The following SLCO1B1 variants were observed in gnomAD, a reference collection of about 807,000 sequenced individuals.
The protein encoded by SLCO1B1 is OATP-2.
In SLCO1B1, 81 loss-of-function variants were observed where a neutral mutation model predicts 70.1. That is an observed-to-expected ratio of 1.16 (90% CI 0.97 to 1.39). The LOEUF is 1.39. Ranked by LOEUF, SLCO1B1 falls within the 40% of genes most tolerant of loss-of-function variation. SLCO1B1 has a pLI of 0.00. For synonymous variants in SLCO1B1, 283 were observed against 271.5 expected (o/e 1.04, Z -0.42); for missense variants, 895 against 799.6 (o/e 1.12, Z -1.44).
chr12:21,150,237 C>CCTGGGAGAAGGGGCAG (rs568465475), intron 2 of SLCO1B1, among the ~76,000 whole-genome samples: 2,192 of 152,196 alleles, frequency 0.014, 50 homozygotes, highest in African/African-American at 0.05. Context: ...GGACAGAGCA[C>CCTGGGAGAAGGGGCAG]CTGGGAGAAG....
intron 1 of SLCO1B1, among the ~76,000 whole-genome samples, chr12:21,133,717 T>G (rs146041677): frequency 6.6e-6 from 1 of 152,318 alleles, no homozygotes; most frequent in African/African-American, 2.4e-5. Flanking sequence ...GCTTATCAAC[T>G]TGAGGAAATT....
At position 21,200,691 on chromosome 12, in the gene SLCO1B1, T is replaced by C; in HGVS notation, c.1135+19T>C. On this transcript the variant is annotated intron_variant, in intron 9 of 14. Coordinates refer to ENST00000256958, the MANE Select transcript of SLCO1B1 (RefSeq NM_006446.5). ...TTATTGGGTAAGACATATTTTTTAC[T>C]TGTGTGCTTAATAAGTGAAATAATA... The C allele has an allele frequency of 1.9e-6, 3 of 1,605,048 alleles. No homozygotes were observed. The highest frequency in any genetic ancestry group is 2.2e-5 in the East Asian group (1 of 44,610).
chr12:21,173,010 A>G (rs1940775034), intron 3 of SLCO1B1, among the ~76,000 whole-genome samples: 1 of 152,176 alleles, frequency 6.6e-6, no homozygotes, highest in Admixed American at 6.5e-5. Context: ...AATATTCTAT[A>G]ATGCACAAAG....
At chr12:21,170,701 T>A (rs1158490863) in intron 2 of SLCO1B1, among the ~76,000 whole-genome samples, 1 of 152,228 alleles carries the variant, frequency 6.6e-6, no homozygotes, top group Non-Finnish European at 1.5e-5. Context: ...ATGCTGTTTC[T>A]TAGATAACTT....
intron 5 of SLCO1B1, among the ~76,000 whole-genome samples, chr12:21,177,414 A>C: frequency 6.6e-6 from 1 of 152,272 alleles, no homozygotes; most frequent in South Asian, 2.1e-4. Context: ...CAAAAGGCAA[A>C]CTATTATATC....
At position 21,155,481 on chromosome 12, in the gene SLCO1B1, T is replaced by TA. The variant is rs574803659; in HGVS notation, c.84+13827dup. Among the ~76,000 whole-genome samples the TA allele has an allele frequency of 1.8e-3, 273 of 152,318 alleles. 1 individual carries two copies. Among genetic ancestry groups the TA allele is most frequent in the Non-Finnish European group, 3.1e-3 (212 of 68,018 alleles). Reference sequence around the variant, plus strand: ...GCTTAAACTCCTGTTAAGTGTTTTGTAAAACAATTACTCCTTATGGTGTCT... The same window carrying TA: ...GCTTAAACTCCTGTTAAGTGTTTTGTAAAAACAATTACTCCTTATGGTGTCT... On this transcript the variant is annotated intron_variant, in intron 2 of 14. Coordinates refer to ENST00000256958, the MANE Select transcript of SLCO1B1 (RefSeq NM_006446.5).
chr12:21,188,351 T>C (rs1201145515), intron 7 of SLCO1B1, among the ~76,000 whole-genome samples: 2 of 152,134 alleles, frequency 1.3e-5, no homozygotes, highest in African/African-American at 4.8e-5. Flanking sequence ...ATAGTAAATA[T>C]GTTTTATCTT....
intron 2 of SLCO1B1, among the ~76,000 whole-genome samples, chr12:21,165,095 C>T (rs905968783): frequency 9.2e-5 from 14 of 152,012 alleles, no homozygotes; most frequent in Non-Finnish European, 1.6e-4. Flanking sequence ...CCAAGTTGTG[C>T]GTTTGACAAA....
chr12:21,238,984 T>C lies in SLCO1B1; in HGVS notation c.1871T>C (p.Val624Ala), dbSNP rs1325696337. The change falls in exon 15 of 15, where the codon GTC becomes GCC. Residue 624 changes from valine to alanine, a missense_variant. Val to Ala is a moderately conservative substitution (Grantham distance 64). Coordinates refer to ENST00000256958, the MANE Select transcript of SLCO1B1 (RefSeq NM_006446.5). Reference sequence around the variant, plus strand: ...TATTTTCTCTATTTCTACAGAAGGGTCTACTTGGGCTTGTCTTCAATGTTA... The same window carrying C: ...TATTTTCTCTATTTCTACAGAAGGGCCTACTTGGGCTTGTCTTCAATGTTA... ...RTYNSTSFSR[V>A]YLGLSSMLRV... is the part of the protein sequence containing the mutation. The C allele has an allele frequency of 4.5e-6, 7 of 1,551,568 alleles. No individual in the cohort carries two copies. Among genetic ancestry groups the C allele is most frequent in the Non-Finnish European group, 6.2e-6 (7 of 1,127,050 alleles).
Position 21,141,674 on chromosome 12 carries a change from T to C in SLCO1B1, c.84+16T>C, listed in dbSNP as rs1361718207. 3.2e-6 allele frequency: 5 copies of C among 1,538,466 alleles called. No individual in the cohort carries two copies. Among genetic ancestry groups the C allele is most frequent in the South Asian group, 2.3e-5 (2 of 88,130 alleles). On this transcript the variant is annotated intron_variant, in intron 2 of 14. Coordinates refer to ENST00000256958, the MANE Select transcript of SLCO1B1 (RefSeq NM_006446.5). ...TGGATTGAAGGTAGAATAAGTTTTATGTTTTTGAGCTAAAATAAGTAAATA... is the reference window on the plus strand; with the variant it reads ...TGGATTGAAGGTAGAATAAGTTTTACGTTTTTGAGCTAAAATAAGTAAATA...
At chr12:21,198,956 A>G (rs896324864) in intron 8 of SLCO1B1, among the ~76,000 whole-genome samples, 1 of 152,068 alleles carries the variant, frequency 6.6e-6, no homozygotes, top group African/African-American at 2.4e-5. Flanking sequence ...AAAGGCCACA[A>G]CTCACTTATA....
At chr12:21,144,734 A>G (rs1262916006) in intron 2 of SLCO1B1, among the ~76,000 whole-genome samples, 2 of 152,162 alleles carry the variant, frequency 1.3e-5, no homozygotes, top group Non-Finnish European at 2.9e-5. Flanking sequence ...AAAGCTTACA[A>G]GCTAGAAGAG....
chr12:21,202,730 C>A, intron 10 of SLCO1B1, 44 bp downstream of exon 10: 1 of 1,440,564 alleles, frequency 6.9e-7, no homozygotes, highest in South Asian at 1.1e-5. Context: ...TGTTAACCAT[C>A]AAATTAAGAG....
intron 7 of SLCO1B1, among the ~76,000 whole-genome samples, chr12:21,194,431 T>C (rs1941068801): frequency 6.6e-6 from 1 of 151,890 alleles, no homozygotes; most frequent in African/African-American, 2.4e-5. Flanking sequence ...TTAATTTTGT[T>C]TTTTTGGGGG....
At position 21,239,670 on chromosome 12, in the gene SLCO1B1, T is replaced by C. The variant is rs71581986; in HGVS notation, c.*481T>C. On this transcript the variant is annotated 3_prime_UTR_variant, in exon 15 of 15. Transcript: ENST00000256958. ...CTTGGATATATGCTACAATAATATC[T>C]GTTACTCACATAAAATTATATATTT... Among the ~76,000 whole-genome samples, 113 of 152,304 alleles carry C rather than the reference T, an allele frequency of 7.4e-4. No individual in the cohort carries two copies. Among genetic ancestry groups the C allele is most frequent in the Non-Finnish European group, 1.4e-3 (94 of 68,016 alleles).
At chr12:21,163,349 T>C (rs2121081703) in intron 2 of SLCO1B1, among the ~76,000 whole-genome samples, 1 of 152,292 alleles carries the variant, frequency 6.6e-6, no homozygotes, top group East Asian at 1.9e-4. Context: ...CTACAACGTG[T>C]GTACCATCTA....
chr12:21,131,567 A>G (rs1565660354), intron 1 of SLCO1B1, among the ~76,000 whole-genome samples: 1 of 152,092 alleles, frequency 6.6e-6, no homozygotes, highest in Non-Finnish European at 1.5e-5. Context: ...ATGCTACAGG[A>G]TAATTATTTT....
chr12:21,132,683 G>A (rs181837049), intron 1 of SLCO1B1, among the ~76,000 whole-genome samples: 33 of 152,114 alleles, frequency 2.2e-4, no homozygotes, highest in African/African-American at 7.0e-4. Flanking sequence ...TGATGGGGTC[G>A]TTTGTCTTTT....
At chr12:21,198,171 C>G (rs1416324334) in intron 8 of SLCO1B1, among the ~76,000 whole-genome samples, 1 of 152,090 alleles carries the variant, frequency 6.6e-6, no homozygotes, top group Admixed American at 6.6e-5. Context: ...TTCTATCACA[C>G]TAACCCAAGA....
Sources: gnomAD v4.1 joint callset for allele counts (sites outside exome capture counted in the v4.1 genomes callset) on GRCh38, gnomAD v4.1.1 for gene constraint, MANE v1.5 for transcripts, NCBI Gene and HGNC (gene_info 2026-07-23, HGNC 2026-07-21) for gene names.